GPR141: variants seen among roughly 807,000 people sequenced by gnomAD.
GPR141 encodes the protein G protein-coupled receptor 141.
In GPR141, 6 loss-of-function variants were observed where a neutral mutation model predicts 6.8. That is an observed-to-expected ratio of 0.88 (90% CI 0.48 to 1.74). The LOEUF (loss-of-function observed/expected upper bound fraction) is 1.74, where lower values mean the gene tolerates loss of function less well. Ranked by LOEUF, GPR141 falls within the 40% of genes most tolerant of loss-of-function variation. The probability of loss-of-function intolerance (pLI) is 0.01; values close to 1 mark genes in which losing one functional copy is unlikely to be tolerated. For synonymous variants in GPR141, 140 were observed against 142.3 expected (o/e 0.98, Z 0.11); for missense variants, 372 against 372.9 (o/e 1.00, Z 0.02).
In GPR141 at chr7:37,692,465, A is replaced by G. The variant is rs139782314; in HGVS notation, c.-15+6882A>G. ...AGTGCAGCAATAAACATACATGTAC[A>G]TGTGTCTTTATAGTAGAATGATTTA... On this transcript the variant is annotated intron_variant, in intron 2 of 2. Coordinates refer to ENST00000334425, the MANE Select transcript of GPR141 (RefSeq NM_001381946.1). 7.0e-3 allele frequency among the ~76,000 whole-genome samples: 1,064 copies of G among 152,294 alleles called. 13 individuals are homozygous for G. Among genetic ancestry groups the G allele is most frequent in the African/African-American group, 0.024 (1,007 of 41,536 alleles).
At chr7:37,694,570 T>G (rs1311999962) in intron 2 of GPR141, among the ~76,000 whole-genome samples, 1 of 152,218 alleles carries the variant, frequency 6.6e-6, no homozygotes, top group Non-Finnish European at 1.5e-5. Context: ...TGAAGGAATA[T>G]TGAGGCTGGG....
intron 2 of GPR141, among the ~76,000 whole-genome samples, chr7:37,703,362 C>T (rs1417331678): frequency 2.0e-5 from 3 of 151,992 alleles, no homozygotes; most frequent in African/African-American, 7.2e-5. Context: ...TCTTTTTATT[C>T]ACCCTGCTTA....
intron 2 of GPR141, among the ~76,000 whole-genome samples, chr7:37,719,236 A>G (rs1191192170): frequency 6.6e-6 from 1 of 152,158 alleles, no homozygotes; most frequent in Admixed American, 6.5e-5. Context: ...ATTGAGCCTA[A>G]GGTGGAAGTC....
chr7:37,690,000 C>A lies in GPR141; in HGVS notation c.-15+4417C>A, dbSNP rs370313408. Among the ~76,000 whole-genome samples, 5 of 151,428 alleles carry A rather than the reference C, an allele frequency of 3.3e-5. No individual in the cohort carries two copies. In the South Asian group the frequency reaches 1.0e-3, roughly 32 times the overall value. On this transcript the variant is annotated intron_variant, in intron 2 of 2. Transcript: ENST00000334425. ...TAGAGATACATTGTTTATTTGAAAT[C>A]TTTCTACTTTTTCGATGTAGGCATT... is the stretch of plus-strand genomic sequence containing the variant.
rs544829506 is a variant in GPR141 at position 37,712,543 on chromosome 7, A to G, written c.-15+26960A>G. 9.8e-5 allele frequency among the ~76,000 whole-genome samples: 15 copies of G among 152,330 alleles called. No homozygotes were observed. The East Asian group carries it at 2.9e-3, about 29-fold the overall frequency. ...TACCTGCCCCTCTGTTTCTCCAGGT[A>G]ATACCTCAGGTCAAGAACACCAGGT... On this transcript the variant is annotated intron_variant, in intron 2 of 2. Transcript: ENST00000334425.
chr7:37,719,543 G>T (rs947405457), intron 2 of GPR141, among the ~76,000 whole-genome samples: 4 of 152,160 alleles, frequency 2.6e-5, no homozygotes, highest in Non-Finnish European at 5.9e-5. Context: ...GGATCAAAAT[G>T]ATTCTAGCAA....
At chr7:37,715,219 T>C (rs1197042674) in intron 2 of GPR141, among the ~76,000 whole-genome samples, 1 of 152,122 alleles carries the variant, frequency 6.6e-6, no homozygotes, top group Non-Finnish European at 1.5e-5. Context: ...CTCCTTAGGC[T>C]CAAGCACTTC....
chr7:37,691,824 A>G (rs1809786027), intron 2 of GPR141, among the ~76,000 whole-genome samples: 3 of 151,780 alleles, frequency 2.0e-5, no homozygotes, highest in Admixed American at 2.0e-4. Flanking sequence ...CCCCTTTAAC[A>G]CTTTGAATAT....
chr7:37,734,619 T>A (rs1348340127), intron 2 of GPR141, among the ~76,000 whole-genome samples: 1 of 152,234 alleles, frequency 6.6e-6, no homozygotes, highest in Non-Finnish European at 1.5e-5. Context: ...GAGGTGATTC[T>A]TTTATCTTCA....
At position 37,740,816 on chromosome 7, in the gene GPR141, G is replaced by A. The variant is rs1192640734; in HGVS notation, c.423G>A (p.Thr141=). 5.6e-6 allele frequency: 9 copies of A among 1,614,138 alleles called. No homozygotes were observed. Among genetic ancestry groups the A allele is most frequent in the South Asian group, 4.4e-5 (4 of 91,080 alleles). ...TGGCTGCCAGTGCTGGCATGTGGAC[G>A]CTGGTGATTGTCATTGTGGTACCCC... The part of the protein sequence containing the change: ...HAVAASAGMW[T]LVIVIVVPLV... The change falls in exon 3 of 3, where the codon ACG becomes ACA. Residue 141 remains threonine, a synonymous_variant. Coordinates refer to ENST00000334425, the MANE Select transcript of GPR141 (RefSeq NM_001381946.1).
At chr7:37,721,209 A>G (rs1206476089) in intron 2 of GPR141, among the ~76,000 whole-genome samples, 1 of 149,610 alleles carries the variant, frequency 6.7e-6, no homozygotes, top group Non-Finnish European at 1.5e-5. Flanking sequence ...AGTTGAGTGA[A>G]CCCAGAAAGT....
intron 2 of GPR141, among the ~76,000 whole-genome samples, chr7:37,691,723 T>C (rs192177551): frequency 2.0e-5 from 3 of 152,322 alleles, no homozygotes; most frequent in African/African-American, 7.2e-5. Flanking sequence ...TAGTAAATTC[T>C]CTTAGTTTTT....
intron 2 of GPR141, among the ~76,000 whole-genome samples, chr7:37,709,090 T>C (rs1810672306): frequency 1.3e-5 from 2 of 152,234 alleles, no homozygotes; most frequent in African/African-American, 2.4e-5. Context: ...AAATATAGGA[T>C]AATTTTGCAT....
chr7:37,708,789 A>G (rs1246289990), intron 2 of GPR141, among the ~76,000 whole-genome samples: 1 of 152,164 alleles, frequency 6.6e-6, no homozygotes, highest in African/African-American at 2.4e-5. Context: ...TAAATAAGTC[A>G]TAGGGGCTAC....
rs1168168631 is a variant in GPR141 at position 37,743,503 on chromosome 7, C to T, written c.*2192C>T. 6.6e-6 allele frequency among the ~76,000 whole-genome samples: 1 copy of T among 151,264 alleles called. No homozygotes were observed. The highest frequency in any genetic ancestry group is 1.5e-5 in the Non-Finnish European group (1 of 67,824). ...AACCATAAAATTTGTAAGACCGTTA[C>T]TAAGACCCCTGATAGTTTTAAGAAA... On this transcript the variant is annotated 3_prime_UTR_variant, in exon 3 of 3. Coordinates refer to ENST00000334425, the MANE Select transcript of GPR141 (RefSeq NM_001381946.1).
At chr7:37,689,027 A>G (rs1809640742) in intron 2 of GPR141, among the ~76,000 whole-genome samples, 1 of 152,124 alleles carries the variant, frequency 6.6e-6, no homozygotes, top group South Asian at 2.1e-4. Context: ...GTTATCCCAG[A>G]CTAAAACTCT....
At chr7:37,713,238 T>C (rs1225924292) in intron 2 of GPR141, 1 of 152,234 alleles carries the variant, frequency 6.6e-6, no homozygotes, top group South Asian at 2.1e-4. Context: ...AACACAAATA[T>C]ATACCATGTG....
rs143226173 is a variant in GPR141, at chr7:37,707,284, A to T, written c.-15+21701A>T. ...ACAAGTAGATACCGTTATTACCATT[A>T]TCCCCATTTTATCAATGTAGGCTTA... On this transcript the variant is annotated intron_variant, in intron 2 of 2. Coordinates refer to ENST00000334425, the MANE Select transcript of GPR141 (RefSeq NM_001381946.1). Among the ~76,000 whole-genome samples, 194 of 152,332 alleles carry T rather than the reference A, an allele frequency of 1.3e-3. 1 individual carries two copies. The highest frequency in any genetic ancestry group is 4.5e-3 in the African/African-American group (189 of 41,580).
At chr7:37,713,754 C>T (rs1318537413) in intron 2 of GPR141, among the ~76,000 whole-genome samples, 3 of 152,196 alleles carry the variant, frequency 2.0e-5, no homozygotes, top group African/African-American at 4.8e-5. Context: ...TATATATTTA[C>T]GTGACTGAGA....
Sources: allele counts gnomAD v4.1 joint callset (sites outside exome capture counted in the v4.1 genomes callset), GRCh38; gene constraint gnomAD v4.1.1; transcripts MANE v1.5; gene names NCBI Gene and HGNC (gene_info 2026-07-23, HGNC 2026-07-21).